The following CDK14 variants were observed in gnomAD, a reference collection of about 807,000 sequenced individuals.
CDK14 encodes cyclin dependent kinase 14.
In CDK14, 34 loss-of-function variants were observed where a neutral mutation model predicts 60.7. The ratio of observed to expected loss-of-function variants is 0.56; its 90% confidence interval spans 0.43 to 0.75. CDK14 has a LOEUF of 0.75. CDK14 is among the 30% of genes least tolerant of loss of function. The pLI, the probability that CDK14 is intolerant of heterozygous loss-of-function variation, is 0.00. For synonymous variants in CDK14, 197 were observed against 203.7 expected (o/e 0.97, Z 0.28); for missense variants, 482 against 564.1 (o/e 0.85, Z 1.47).
chr7:90,639,918 C>T (rs979051590), intron 2 of CDK14, among the ~76,000 whole-genome samples: 9 of 152,104 alleles, frequency 5.9e-5, no homozygotes, highest in East Asian at 3.9e-4. Flanking sequence ...TAGGACCCTC[C>T]GAGCCAGGTG....
chr7:91,206,403 AATGAACCGATCCCTCAGCT>A (rs1802899052), intron 14 of CDK14, among the ~76,000 whole-genome samples: 2 of 152,266 alleles, frequency 1.3e-5, no homozygotes, highest in Middle Eastern at 3.4e-3. Context: ...CAGTGCAGCT[AATGAACCGATCCCTCAGCT>A]ATGTGCCTTG....
chr7:90,943,494 A>G (rs1398779485), intron 8 of CDK14, among the ~76,000 whole-genome samples: 1 of 152,228 alleles, frequency 6.6e-6, no homozygotes, highest in Non-Finnish European at 1.5e-5. Flanking sequence ...CATATTAGAT[A>G]AAATTTGAGA....
chr7:90,916,038 T>A (rs183750341), intron 7 of CDK14, among the ~76,000 whole-genome samples: 20 of 152,336 alleles, frequency 1.3e-4, no homozygotes, highest in African/African-American at 4.6e-4. Context: ...ATTAAGTTTG[T>A]TATGTGGTTT....
chr7:90,844,830 T>C (rs1240482196), intron 5 of CDK14, among the ~76,000 whole-genome samples: 1 of 152,148 alleles, frequency 6.6e-6, no homozygotes, highest in Non-Finnish European at 1.5e-5. Context: ...CAAGAATGTA[T>C]TGTCTCACAC....
rs571043503 is a variant in CDK14, at chr7:91,195,718, C to A, written c.*29-11447C>A. 3.6e-3 allele frequency among the ~76,000 whole-genome samples: 544 copies of A among 152,320 alleles called. 7 individuals are homozygous for A. The highest frequency in any genetic ancestry group is 0.012 in the African/African-American group (517 of 41,566). ...AAGAAGACAATTATTTACCCACAGA[C>A]TTTACAGTGGCAGCTCAAGACTTCA... On this transcript the variant is annotated intron_variant, in intron 14 of 14. Coordinates refer to ENST00000380050, the MANE Select transcript of CDK14 (RefSeq NM_001287135.2).
intron 4 of CDK14, among the ~76,000 whole-genome samples, chr7:90,757,721 A>AC (rs1334295611): frequency 6.6e-6 from 1 of 151,624 alleles, no homozygotes; most frequent in East Asian, 1.9e-4. Context: ...ATGCCTCAGC[A>AC]CCCCCGAGTA....
chr7:90,762,992 A>C (rs1240918686), intron 4 of CDK14, among the ~76,000 whole-genome samples: 1 of 152,184 alleles, frequency 6.6e-6, no homozygotes, highest in Non-Finnish European at 1.5e-5. Context: ...AAATTAACAT[A>C]GCTGCAGTAG....
chr7:90,711,997 T>C (rs1436314309), intron 2 of CDK14, among the ~76,000 whole-genome samples: 1 of 151,820 alleles, frequency 6.6e-6, no homozygotes, highest in Non-Finnish European at 1.5e-5. Context: ...GTACTGGGAT[T>C]ACAGGCATTA....
At chr7:91,061,348 A>G (rs1008783370) in intron 11 of CDK14, among the ~76,000 whole-genome samples, 2 of 151,922 alleles carry the variant, frequency 1.3e-5, no homozygotes, top group African/African-American at 2.4e-5. Context: ...GGTTCGAACT[A>G]CCTCTTTGAG....
intron 10 of CDK14, among the ~76,000 whole-genome samples, chr7:90,992,766 A>G (rs988089565): frequency 6.6e-6 from 1 of 152,176 alleles, no homozygotes. Flanking sequence ...ATTAAGGAAC[A>G]TTCTCCCATG....
At chr7:90,879,690 C>G (rs1357937394) in intron 6 of CDK14, among the ~76,000 whole-genome samples, 1 of 151,934 alleles carries the variant, frequency 6.6e-6, no homozygotes, top group African/African-American at 2.4e-5. Flanking sequence ...ACATGTATAC[C>G]TACGTAACAA....
rs560285058 is a variant in CDK14, at chr7:91,097,477, A to G, written c.1155-15065A>G. On this transcript the variant is annotated intron_variant, in intron 12 of 14. Transcript: ENST00000380050. ...TTGGACCTCTATACATGGAGTTAAT[A>G]TATCTAATTGATACAAAAAATTATA... Among the ~76,000 whole-genome samples, 131 of 152,290 alleles carry G rather than the reference A, an allele frequency of 8.6e-4. 1 individual carries two copies. The highest frequency in any genetic ancestry group is 1.4e-3 in the Non-Finnish European group (97 of 68,026).
chr7:90,983,475 C>T (rs1447682355), intron 9 of CDK14, among the ~76,000 whole-genome samples: 3 of 151,942 alleles, frequency 2.0e-5, no homozygotes, highest in Admixed American at 6.6e-5. Context: ...GTCAGGAGAT[C>T]GCGACCATCC....
chr7:91,205,683 T>G (rs1802873366), intron 14 of CDK14, among the ~76,000 whole-genome samples: 1 of 152,262 alleles, frequency 6.6e-6, no homozygotes, highest in Admixed American at 6.5e-5. Context: ...GATTAATTTT[T>G]TATATAAATT....
intron 4 of CDK14, among the ~76,000 whole-genome samples, chr7:90,760,551 A>G (rs1329964191): frequency 6.6e-6 from 1 of 152,186 alleles, no homozygotes; most frequent in Non-Finnish European, 1.5e-5. Context: ...CTGCTGTAGG[A>G]TGCTCCCGAG....
intron 5 of CDK14, among the ~76,000 whole-genome samples, chr7:90,790,979 TTGA>T (rs1345829264): frequency 1.3e-5 from 2 of 152,190 alleles, no homozygotes; most frequent in East Asian, 3.8e-4. Flanking sequence ...TTATTCCGTA[TTGA>T]TGATTTTTAA....
chr7:90,831,471 G>C (rs923091621), intron 5 of CDK14, among the ~76,000 whole-genome samples: 2 of 152,148 alleles, frequency 1.3e-5, no homozygotes, highest in African/African-American at 4.8e-5. Context: ...TACAGTTTGA[G>C]GTGAGATTTG....
intron 11 of CDK14, among the ~76,000 whole-genome samples, chr7:91,057,335 T>G (rs1282951491): frequency 1.3e-5 from 2 of 152,088 alleles, no homozygotes; most frequent in African/African-American, 4.8e-5. Context: ...ATTGCAAAAA[T>G]TTTCTCCGAT....
At chr7:90,763,154 G>A (rs565545583) in intron 4 of CDK14, among the ~76,000 whole-genome samples, 9 of 152,142 alleles carry the variant, frequency 5.9e-5, no homozygotes, top group Admixed American at 2.0e-4. Context: ...GTCAAAATAC[G>A]TGAGGCAAAA....
Sources: allele counts gnomAD v4.1 joint callset (sites outside exome capture counted in the v4.1 genomes callset), GRCh38; gene constraint gnomAD v4.1.1; transcripts MANE v1.5; gene names NCBI Gene and HGNC (gene_info 2026-07-23, HGNC 2026-07-21).